SORCS2: variants seen among roughly 807,000 people sequenced by gnomAD.
The protein encoded by SORCS2 is sortilin related VPS10 domain containing receptor 2.
Under a neutral mutation model 141.6 loss-of-function variants are expected in SORCS2, and 100 were observed. The observed-to-expected ratio is 0.71, with a 90% confidence interval of 0.60 to 0.83. SORCS2 has a LOEUF of 0.83. Ranked by LOEUF, SORCS2 falls within the 40% of genes least tolerant of loss-of-function variation. The pLI, the probability that SORCS2 is intolerant of heterozygous loss-of-function variation, is 0.00. For missense variants in SORCS2, 1,646 were observed against 1,560.2 expected, an observed-to-expected ratio of 1.05 and a Z score of -0.93; for synonymous variants, 789 against 676.9, an observed-to-expected ratio of 1.17 and a Z score of -2.57.
intron 5 of SORCS2, among the ~76,000 whole-genome samples, chr4:7,659,458 C>T (rs534047059): frequency 2.6e-5 from 4 of 152,268 alleles, no homozygotes; most frequent in Admixed American, 6.5e-5. Flanking sequence ...ATTCCAGGTG[C>T]TTCATAGGCT....
intron 2 of SORCS2, among the ~76,000 whole-genome samples, chr4:7,468,511 T>G (rs1729758321): frequency 1.3e-5 from 2 of 152,224 alleles, no homozygotes; most frequent in Non-Finnish European, 1.5e-5. Context: ...TTTCCTTCTG[T>G]GTAACAGCCA....
intron 2 of SORCS2, among the ~76,000 whole-genome samples, chr4:7,521,566 C>T (rs184855339): frequency 6.6e-6 from 1 of 152,190 alleles, no homozygotes; most frequent in Non-Finnish European, 1.5e-5. Flanking sequence ...GTGGAGCCAT[C>T]GGGTCCTGGG....
intron 1 of SORCS2, among the ~76,000 whole-genome samples, chr4:7,327,696 C>T (rs1719361243): frequency 1.3e-5 from 2 of 152,206 alleles, no homozygotes; most frequent in Non-Finnish European, 2.9e-5. Context: ...GTCTCTTGTG[C>T]AGACCCGTCA....
chr4:7,666,231 A>G (rs529870632), intron 7 of SORCS2, among the ~76,000 whole-genome samples: 1 of 152,048 alleles, frequency 6.6e-6, no homozygotes, highest in Non-Finnish European at 1.5e-5. Context: ...AACGACGTCC[A>G]CGTCTGGTCT....
At chr4:7,462,519 A>G (rs1194928639) in intron 2 of SORCS2, among the ~76,000 whole-genome samples, 1 of 152,014 alleles carries the variant, frequency 6.6e-6, no homozygotes, top group Non-Finnish European at 1.5e-5. Context: ...TACTCCAGAG[A>G]CGTTGGCTCT....
intron 1 of SORCS2, among the ~76,000 whole-genome samples, chr4:7,242,234 C>T (rs1355784701): frequency 2.0e-5 from 3 of 152,088 alleles, no homozygotes. Flanking sequence ...GGGTCTCATT[C>T]TGTCATCCAA....
chr4:7,358,185 C>G (rs1298204600), intron 1 of SORCS2, among the ~76,000 whole-genome samples: 1 of 152,124 alleles, frequency 6.6e-6, no homozygotes, highest in Non-Finnish European at 1.5e-5. Context: ...GAGTACATGC[C>G]CATAGTGTGG....
At chr4:7,256,226 T>G (rs1228387636) in intron 1 of SORCS2, among the ~76,000 whole-genome samples, 2 of 152,066 alleles carry the variant, frequency 1.3e-5, no homozygotes, top group Admixed American at 6.5e-5. Flanking sequence ...GGTGAGCACA[T>G]GCCCGCTCAG....
intron 9 of SORCS2, among the ~76,000 whole-genome samples, chr4:7,679,696 C>A (rs1169258928): frequency 6.6e-6 from 1 of 150,766 alleles, no homozygotes; most frequent in Non-Finnish European, 1.5e-5. Context: ...AATTTGGACT[C>A]TAGCCTCCAA....
chr4:7,467,830 G>T (rs192187226), intron 2 of SORCS2, among the ~76,000 whole-genome samples: 1 of 152,246 alleles, frequency 6.6e-6, no homozygotes, highest in Non-Finnish European at 1.5e-5. Context: ...TTCCTCTGCA[G>T]CTTTCCTGGG....
intron 1 of SORCS2, among the ~76,000 whole-genome samples, chr4:7,251,679 G>T (rs59138913): frequency 2.0e-5 from 3 of 152,172 alleles, no homozygotes; most frequent in Non-Finnish European, 4.4e-5. Context: ...CAGGCATCAC[G>T]TCTGCATTCC....
At chr4:7,550,419 T>A (rs1200027724) in intron 3 of SORCS2, among the ~76,000 whole-genome samples, 1 of 152,188 alleles carries the variant, frequency 6.6e-6, no homozygotes, top group Non-Finnish European at 1.5e-5. Context: ...GACTCCAAGG[T>A]GCTCTGGCAC....
At chr4:7,400,544 T>C (rs1428953329) in intron 2 of SORCS2, among the ~76,000 whole-genome samples, 1 of 152,288 alleles carries the variant, frequency 6.6e-6, no homozygotes, top group Non-Finnish European at 1.5e-5. Flanking sequence ...GTTTATCTTA[T>C]TGATCACCAG....
intron 19 of SORCS2, among the ~76,000 whole-genome samples, chr4:7,724,633 G>GTGA (rs1156973121): frequency 9.3e-6 from 1 of 107,326 alleles, no homozygotes; most frequent in Non-Finnish European, 2.0e-5. Context: ...GGTGATGGTG[G>GTGA]TGATGGTGGA....
At chr4:7,726,516 G>A (rs1727228315) in intron 20 of SORCS2, among the ~76,000 whole-genome samples, 1 of 152,176 alleles carries the variant, frequency 6.6e-6, no homozygotes, top group East Asian at 1.9e-4. Flanking sequence ...AGAGGTTGCA[G>A]TGAGCCAAGA....
At chr4:7,670,746 C>A (rs1345218353) in intron 8 of SORCS2, among the ~76,000 whole-genome samples, 1 of 152,160 alleles carries the variant, frequency 6.6e-6, no homozygotes, top group Non-Finnish European at 1.5e-5. Flanking sequence ...CCATCCCCCA[C>A]CCCGGCCCCA....
intron 1 of SORCS2, among the ~76,000 whole-genome samples, chr4:7,375,565 A>G (rs561450069): frequency 6.6e-6 from 1 of 152,340 alleles, no homozygotes; most frequent in South Asian, 2.1e-4. Context: ...CATGGATGAG[A>G]TGCCAGATTG....
At chr4:7,469,810 G>A (rs985103136) in intron 2 of SORCS2, among the ~76,000 whole-genome samples, 5 of 152,208 alleles carry the variant, frequency 3.3e-5, no homozygotes, top group Admixed American at 2.0e-4. Flanking sequence ...TCATTGCAGG[G>A]CTGTTTAAAA....
At chr4:7,563,566 T>TG (rs1491143890) in intron 3 of SORCS2, among the ~76,000 whole-genome samples, 1 of 152,136 alleles carries the variant, frequency 6.6e-6, no homozygotes, top group Non-Finnish European at 1.5e-5. Flanking sequence ...CTCAGAACTC[T>TG]GGGGTTTGGA....
Sources: gnomAD v4.1 joint callset for allele counts (sites outside exome capture counted in the v4.1 genomes callset) on GRCh38, gnomAD v4.1.1 for gene constraint, MANE v1.5 for transcripts, NCBI Gene and HGNC (gene_info 2026-07-23, HGNC 2026-07-21) for gene names.